The following DSCAM variants were observed in gnomAD, a reference collection of about 807,000 sequenced individuals.
The protein encoded by DSCAM is cell adhesion molecule DSCAM.
Under a neutral mutation model 217.7 loss-of-function variants are expected in DSCAM, and 47 were observed. The ratio of observed to expected loss-of-function variants is 0.22; its 90% CI spans 0.17 to 0.28. The LOEUF is 0.28. Ranked by LOEUF, DSCAM falls within the 10% of genes least tolerant of loss-of-function variation. The pLI is 1.00. For synonymous variants in DSCAM, 1,056 were observed against 1,015.3 expected (o/e 1.04, Z -0.76); for missense variants, 2,080 against 2,618.3 (o/e 0.79, Z 4.49).
intron 30 of DSCAM, among the ~76,000 whole-genome samples, chr21:40,046,604 C>A (rs1329014955): frequency 6.6e-6 from 1 of 152,156 alleles, no homozygotes; most frequent in East Asian, 1.9e-4. Flanking sequence ...ATAAGTGGAG[C>A]TTAAATAAGT....
At position 40,306,245 on chromosome 21, in the gene DSCAM, T is replaced by C. The variant is rs1228198777; in HGVS notation, c.2062+5836A>G. ...CACTCATAATTTGGCTCTCTGTTTG[T>C]CTGTTATTGGTATATAAGAATGCTT... On this transcript the variant is annotated intron_variant, in intron 9 of 32. Transcript: ENST00000400454. 2.8e-5 allele frequency among the ~76,000 whole-genome samples: 4 copies of C among 144,560 alleles called. 1 individual carries two copies. The highest frequency in any genetic ancestry group is 5.9e-5 in the Non-Finnish European group (4 of 67,562). 94.8% of individuals were successfully genotyped at this position (144,560 alleles called of 152,430 possible).
intron 3 of DSCAM, among the ~76,000 whole-genome samples, chr21:40,487,050 T>C (rs2076034250): frequency 6.6e-6 from 1 of 152,120 alleles, no homozygotes; most frequent in South Asian, 2.1e-4. Flanking sequence ...ACATGCAGAC[T>C]CAGAGAATAA....
At chr21:40,030,602 A>G (rs945409982) in intron 32 of DSCAM, among the ~76,000 whole-genome samples, 4 of 151,928 alleles carry the variant, frequency 2.6e-5, no homozygotes, top group Non-Finnish European at 5.9e-5. Flanking sequence ...CCCTTCAAAC[A>G]CTCCCATAGA....
intron 11 of DSCAM, among the ~76,000 whole-genome samples, chr21:40,269,276 G>A (rs148479264): frequency 2.0e-5 from 3 of 152,278 alleles, no homozygotes; most frequent in South Asian, 2.1e-4. Flanking sequence ...GCAGAGTCCC[G>A]TATTAAGAAT....
chr21:40,296,351 C>T (rs2073953980), intron 9 of DSCAM, among the ~76,000 whole-genome samples, 177 bp from the exon 10 acceptor site: 1 of 152,150 alleles, frequency 6.6e-6, no homozygotes, highest in Non-Finnish European at 1.5e-5. Context: ...AATTTCAGTG[C>T]TGAAAAATTT....
chr21:40,562,392 A>G (rs2076727595), intron 3 of DSCAM, among the ~76,000 whole-genome samples: 1 of 152,094 alleles, frequency 6.6e-6, no homozygotes, highest in South Asian at 2.1e-4. Flanking sequence ...GGGCCTCCCT[A>G]GCCATGTGGA....
intron 9 of DSCAM, among the ~76,000 whole-genome samples, chr21:40,300,724 C>G (rs578181892): frequency 6.6e-6 from 1 of 152,208 alleles, no homozygotes; most frequent in African/African-American, 2.4e-5. Context: ...TCTGTGCCTG[C>G]GCTTCTCAAA....
intron 3 of DSCAM, among the ~76,000 whole-genome samples, chr21:40,670,512 T>TG (rs201897128): frequency 0.26 from 37,748 of 142,802 alleles, 5,869 homozygotes; most frequent in Admixed American, 0.45. Context: ...CACTCCAGCC[T>TG]GGTGACAGAG....
chr21:40,321,066 A>AT (rs1313408578), intron 8 of DSCAM, among the ~76,000 whole-genome samples: 1 of 152,232 alleles, frequency 6.6e-6, no homozygotes, highest in Non-Finnish European at 1.5e-5. Context: ...TATGAGATTG[A>AT]AAACCATGAA....
At chr21:40,629,064 ATGTGTGTGTGTGGTGTG>A (rs1601803831) in intron 3 of DSCAM, among the ~76,000 whole-genome samples, 3 of 117,584 alleles carry the variant, frequency 2.6e-5, no homozygotes, top group African/African-American at 9.4e-5. Context: ...TGTGTGTAGT[ATGTGTGTGTGTGGTGTG>A]TGTGTGTGTG....
rs375369500 is a variant in DSCAM at position 40,263,554 on chromosome 21, GC to G, written c.2356+12542del. Among the ~76,000 whole-genome samples, 42 of 152,196 alleles carry G rather than the reference GC, an allele frequency of 2.8e-4. No individual in the cohort carries two copies. The South Asian group carries it at 5.8e-3, about 21-fold the overall frequency. ...AAGTTATCAAAATCTCTGGGATACA[GC>G]AAAAGCATTGCTAAGAGGAAAGTTT... is the stretch of plus-strand genomic sequence containing the variant. On this transcript the variant is annotated intron_variant, in intron 11 of 32. Transcript: ENST00000400454.
chr21:40,318,746 T>C (rs1404075514), intron 8 of DSCAM, among the ~76,000 whole-genome samples: 1 of 152,228 alleles, frequency 6.6e-6, no homozygotes, highest in Non-Finnish European at 1.5e-5. Flanking sequence ...AGGATATTGC[T>C]GGAGCCGGTG....
intron 11 of DSCAM, among the ~76,000 whole-genome samples, chr21:40,259,363 T>C (rs951504587): frequency 6.6e-5 from 10 of 151,842 alleles, no homozygotes; most frequent in Admixed American, 1.3e-4. Context: ...TTATACCATC[T>C]CCCTGGAATG....
At chr21:40,422,479 T>C (rs935393141) in intron 3 of DSCAM, among the ~76,000 whole-genome samples, 1 of 151,382 alleles carries the variant, frequency 6.6e-6, no homozygotes, top group African/African-American at 2.4e-5. Context: ...AAAAAAAATA[T>C]ATATATACAA....
At chr21:40,278,179 A>G (rs1356893233) in intron 10 of DSCAM, among the ~76,000 whole-genome samples, 1 of 152,236 alleles carries the variant, frequency 6.6e-6, no homozygotes, top group Non-Finnish European at 1.5e-5. Context: ...AAATATGTGC[A>G]AGACCAGCCC....
chr21:40,835,050 A>G (rs1393932604), intron 1 of DSCAM, among the ~76,000 whole-genome samples: 1 of 152,182 alleles, frequency 6.6e-6, no homozygotes, highest in East Asian at 1.9e-4. Context: ...AGGGAAAAAT[A>G]CTCAACACTT....
At chr21:40,230,648 A>C (rs1306147477) in intron 11 of DSCAM, among the ~76,000 whole-genome samples, 2 of 152,092 alleles carry the variant, frequency 1.3e-5, no homozygotes, top group African/African-American at 2.4e-5. Flanking sequence ...AAGTATTTTT[A>C]TTTTTACTTA....
intron 3 of DSCAM, among the ~76,000 whole-genome samples, chr21:40,382,652 G>A (rs2075038927): frequency 6.6e-6 from 1 of 152,192 alleles, no homozygotes; most frequent in Non-Finnish European, 1.5e-5. Context: ...AACCATGTCA[G>A]ATGCGGTCCC....
intron 3 of DSCAM, among the ~76,000 whole-genome samples, chr21:40,400,593 T>C (rs1202053435): frequency 2.6e-5 from 4 of 152,208 alleles, no homozygotes; most frequent in African/African-American, 7.2e-5. Flanking sequence ...TTAAAAACTT[T>C]TGTTGTAGAG....
Sources: gnomAD v4.1 joint callset for allele counts (sites outside exome capture counted in the v4.1 genomes callset) on GRCh38, gnomAD v4.1.1 for gene constraint, MANE v1.5 for transcripts, NCBI Gene and HGNC (gene_info 2026-07-23, HGNC 2026-07-21) for gene names.